WDR70: variants seen among roughly 807,000 people sequenced by gnomAD.
WDR70 encodes the protein WD repeat-containing protein 70.
A neutral mutation model predicts 88.6 loss-of-function variants in WDR70; 53 were observed. That is an observed-to-expected ratio of 0.60 (90% CI 0.48 to 0.75). The LOEUF (loss-of-function observed/expected upper bound fraction) is 0.75. Ranked by LOEUF, WDR70 falls within the 30% of genes least tolerant of loss-of-function variation. The pLI is 0.00. For synonymous variants in WDR70, 280 were observed against 270.0 expected, an observed-to-expected ratio of 1.04 and a Z score of -0.36; for missense variants, 610 against 823.2, an observed-to-expected ratio of 0.74 and a Z score of 3.17.
At chr5:37,714,319 T>G (rs1437746582) in intron 13 of WDR70, among the ~76,000 whole-genome samples, 1 of 152,184 alleles carries the variant, frequency 6.6e-6, no homozygotes, top group Non-Finnish European at 1.5e-5. Context: ...TATGCCTATC[T>G]CTGTTGATAA....
chr5:37,572,539 A>G (rs1742938427), intron 9 of WDR70, among the ~76,000 whole-genome samples: 2 of 152,104 alleles, frequency 1.3e-5, no homozygotes, highest in African/African-American at 4.8e-5. Flanking sequence ...TATCCGTCAG[A>G]GGAGAAACAT....
intron 5 of WDR70, among the ~76,000 whole-genome samples, chr5:37,436,730 C>T (rs1001091834): frequency 6.6e-6 from 1 of 151,974 alleles, no homozygotes. Flanking sequence ...GAAAAGATAA[C>T]GATTGAGCAA....
At chr5:37,466,492 G>A (rs1211638091) in intron 7 of WDR70, among the ~76,000 whole-genome samples, 3 of 151,452 alleles carry the variant, frequency 2.0e-5, no homozygotes, top group African/African-American at 4.9e-5. Flanking sequence ...AGATCATGAG[G>A]TCAGGAGATC....
chr5:37,422,602 C>T (rs537511354), intron 5 of WDR70, among the ~76,000 whole-genome samples: 33 of 152,072 alleles, frequency 2.2e-4, no homozygotes, highest in African/African-American at 4.8e-4. Flanking sequence ...CTCAGCCTCC[C>T]GAGTAGCTGG....
rs34755579 is a variant in WDR70 at position 37,634,298 on chromosome 5, C to CAA, written c.1092+29072_1092+29073dup. 3.3e-3 allele frequency among the ~76,000 whole-genome samples: 355 copies of CAA among 105,984 alleles called. 4 individuals are homozygous for CAA. Among genetic ancestry groups the CAA allele is most frequent in the African/African-American group, 0.01 (229 of 22,630 alleles). 69.5% of individuals were successfully genotyped at this position (105,984 alleles called of 152,430 possible). Reference sequence around the variant, plus strand: ...TGGGCGACAGTGTGGGACCCTGTCTCAAAAAAAAAAAAAGAAAAAAAAGAA... The same window carrying CAA: ...TGGGCGACAGTGTGGGACCCTGTCTCAAAAAAAAAAAAAAAGAAAAAAAAGAA... On this transcript the variant is annotated intron_variant, in intron 10 of 17. Coordinates refer to ENST00000265107, the MANE Select transcript of WDR70 (RefSeq NM_018034.4).
chr5:37,729,601 T>C (rs1748085202), intron 17 of WDR70, among the ~76,000 whole-genome samples: 1 of 152,212 alleles, frequency 6.6e-6, no homozygotes, highest in Non-Finnish European at 1.5e-5. Context: ...AAGAATCACT[T>C]TTCCTATCTG....
intron 10 of WDR70, among the ~76,000 whole-genome samples, chr5:37,677,290 T>C (rs1467889753): frequency 1.3e-5 from 2 of 151,980 alleles, no homozygotes; most frequent in Non-Finnish European, 2.9e-5. Flanking sequence ...TTGAATGTGT[T>C]TGCTCTTGCT....
At chr5:37,721,959 G>A (rs1029784252) in intron 14 of WDR70, 2 of 152,028 alleles carry the variant, frequency 1.3e-5, no homozygotes, top group African/African-American at 4.8e-5. Context: ...CCTGTTTTAA[G>A]GTCCCACATC....
At chr5:37,389,043 G>C (rs968592898) in intron 3 of WDR70, among the ~76,000 whole-genome samples, 2 of 150,812 alleles carry the variant, frequency 1.3e-5, no homozygotes, top group African/African-American at 4.9e-5. Flanking sequence ...GGTCTGGAGG[G>C]ATTGGCTGAA....
rs987464430 is a variant in WDR70, at chr5:37,386,469, G to A, written c.175+4784G>A. On this transcript the variant is annotated intron_variant, in intron 3 of 17. Coordinates refer to ENST00000265107, the MANE Select transcript of WDR70 (RefSeq NM_018034.4). ...AGCCTCCCCAGTAGCTGGGATTATA[G>A]GCACGTGCCACCACCACCTGACTGA... Among the ~76,000 whole-genome samples, 2 of 152,046 alleles carry A rather than the reference G, an allele frequency of 1.3e-5. 1 individual carries two copies. The highest frequency in any genetic ancestry group is 1.3e-4 in the Admixed American group (2 of 15,266).
intron 10 of WDR70, among the ~76,000 whole-genome samples, chr5:37,674,032 G>A (rs1475307441): frequency 6.6e-6 from 1 of 152,050 alleles, no homozygotes; most frequent in Non-Finnish European, 1.5e-5. Context: ...TGGGCATTTA[G>A]GTTGATTCCA....
At chr5:37,480,631 A>G (rs1486763825) in intron 8 of WDR70, among the ~76,000 whole-genome samples, 2 of 152,160 alleles carry the variant, frequency 1.3e-5, no homozygotes, top group African/African-American at 2.4e-5. Context: ...CCATGATTCA[A>G]TTATCTCCAC....
intron 9 of WDR70, among the ~76,000 whole-genome samples, chr5:37,529,283 A>G (rs2112300289): frequency 6.6e-6 from 1 of 152,178 alleles, no homozygotes; most frequent in Admixed American, 6.5e-5. Context: ...GTTTTTGCTT[A>G]GTCTTGCTTT....
At chr5:37,476,436 G>T (rs1337984836) in intron 7 of WDR70, among the ~76,000 whole-genome samples, 5 of 152,166 alleles carry the variant, frequency 3.3e-5, no homozygotes, top group Non-Finnish European at 7.3e-5. Context: ...AAGTCCTGCA[G>T]TTGGTCCTGA....
Position 37,689,196 on chromosome 5 carries a change from G to C in WDR70, c.1093-8459G>C, listed in dbSNP as rs183117766. Among the ~76,000 whole-genome samples the C allele has an allele frequency of 7.8e-3, 1,185 of 152,374 alleles. 18 individuals are homozygous for C. The highest frequency in any genetic ancestry group is 0.027 in the African/African-American group (1,126 of 41,596). On this transcript the variant is annotated intron_variant, in intron 10 of 17. Coordinates refer to ENST00000265107, the MANE Select transcript of WDR70 (RefSeq NM_018034.4). ...AAAGCAGCTAGGAAGCTTGAACTGGGTGGAGCCCACTGCAGCTAAGCAAGG... is the reference window on the plus strand; with the variant it reads ...AAAGCAGCTAGGAAGCTTGAACTGGCTGGAGCCCACTGCAGCTAAGCAAGG...
chr5:37,507,385 C>T (rs1252934812), intron 8 of WDR70, among the ~76,000 whole-genome samples: 1 of 152,166 alleles, frequency 6.6e-6, no homozygotes, highest in Non-Finnish European at 1.5e-5. Context: ...TCCCTTCTAG[C>T]TATTTTAGAA....
chr5:37,563,655 C>A (rs1209732279), intron 9 of WDR70, among the ~76,000 whole-genome samples: 2 of 51,892 alleles, frequency 3.9e-5, no homozygotes, highest in Non-Finnish European at 5.1e-5. Flanking sequence ...GGGCGGGGGG[C>A]TGACCCCCCC....
chr5:37,408,333 G>A (rs1490832215), intron 5 of WDR70, among the ~76,000 whole-genome samples: 1 of 152,054 alleles, frequency 6.6e-6, no homozygotes, highest in Admixed American at 6.6e-5. Context: ...AATTAGCCAG[G>A]TGTCATGGCA....
intron 3 of WDR70, among the ~76,000 whole-genome samples, chr5:37,387,895 C>G (rs1748675078): frequency 6.6e-6 from 1 of 152,012 alleles, no homozygotes; most frequent in Non-Finnish European, 1.5e-5. Context: ...TGATAGTACA[C>G]TTGAGGAAAC....
Sources: allele counts gnomAD v4.1 joint callset (sites outside exome capture counted in the v4.1 genomes callset), GRCh38; gene constraint gnomAD v4.1.1; transcripts MANE v1.5; gene names NCBI Gene and HGNC (gene_info 2026-07-23, HGNC 2026-07-21).